The following RBMS3 variants were observed in gnomAD, a reference collection of about 807,000 sequenced individuals.
RBMS3 encodes RNA-binding motif, single-stranded-interacting protein 3.
In RBMS3, 27 loss-of-function variants were observed where a neutral mutation model predicts 66.8. The observed-to-expected ratio is 0.40, with a 90% CI of 0.30 to 0.56. RBMS3 has a LOEUF of 0.56. Ranked by LOEUF, RBMS3 falls within the 20% of genes least tolerant of loss-of-function variation. The probability of loss-of-function intolerance (pLI) is 0.40; values close to 1 mark genes in which losing one functional copy is unlikely to be tolerated. For missense variants in RBMS3, 513 were observed against 549.5 expected (o/e 0.93, Z 0.66); for synonymous variants, 188 against 183.0 (o/e 1.03, Z -0.22).
intron 11 of RBMS3, among the ~76,000 whole-genome samples, chr3:29,942,898 G>GA (rs1009157551): frequency 1.3e-5 from 2 of 150,892 alleles, no homozygotes; most frequent in Non-Finnish European, 3.0e-5. Flanking sequence ...TAAAAAATTG[G>GA]AAAAACTTTT....
chr3:29,384,438 G>T (rs10685341), intron 1 of RBMS3, among the ~76,000 whole-genome samples: 23,352 of 67,438 alleles, frequency 0.35, 2,094 homozygotes, highest in East Asian at 0.47. Context: ...ATAATAATAA[G>T]AAGAAGAAGA....
intron 4 of RBMS3, chr3:29,616,962 A>C (rs932584644): frequency 6.6e-6 from 1 of 152,234 alleles, no homozygotes; most frequent in Admixed American, 6.5e-5. Context: ...GTTTCTAAAA[A>C]TATGAGTCAT....
chr3:30,008,364 A>T lies in RBMS3; in HGVS notation c.*4502A>T, dbSNP rs1035182205. The stretch of plus-strand genomic sequence containing the variant: ...AAATTCTCAAGTGGGTTTCACTAAT[A>T]AATGTTTTTTTATATGATTTGAAAT... On this transcript the variant is annotated 3_prime_UTR_variant, in exon 15 of 15. Coordinates refer to ENST00000383767, the MANE Select transcript of RBMS3 (RefSeq NM_001003793.3). The T allele has an allele frequency of 2.0e-5, 3 of 152,020 alleles. No individual in the cohort carries two copies. Among genetic ancestry groups the T allele is most frequent in the South Asian group, 2.1e-4 (1 of 4,830 alleles). 9.4% of individuals were successfully genotyped at this position (152,020 alleles called of 1,614,324 possible). A position where few individuals can be genotyped will look rare whatever the true frequency, so the allele number is the denominator to read the frequency against.
chr3:29,337,249 G>A (rs2036007871), intron 1 of RBMS3, among the ~76,000 whole-genome samples: 1 of 151,952 alleles, frequency 6.6e-6, no homozygotes, highest in East Asian at 1.9e-4. Context: ...GATACAAAAT[G>A]TTAAAAAATT....
intron 4 of RBMS3, among the ~76,000 whole-genome samples, chr3:29,593,674 T>G (rs1357006912): frequency 6.8e-6 from 1 of 147,120 alleles, no homozygotes; most frequent in Admixed American, 6.6e-5. Flanking sequence ...ATCCCATTTT[T>G]CCCCCATGGG....
chr3:29,322,624 G>GAA (rs570964414), intron 1 of RBMS3, among the ~76,000 whole-genome samples: 73 of 146,638 alleles, frequency 5.0e-4, no homozygotes, highest in Middle Eastern at 3.5e-3. Flanking sequence ...TTTCACATAC[G>GAA]AAAAAAAAAA....
At chr3:29,626,573 A>T (rs960183507) in intron 4 of RBMS3, among the ~76,000 whole-genome samples, 7 of 152,220 alleles carry the variant, frequency 4.6e-5, no homozygotes, top group Non-Finnish European at 7.3e-5. Flanking sequence ...TTTGGTCAGC[A>T]TATGAATAGT....
At chr3:29,370,944 A>T (rs753391726) in intron 1 of RBMS3, among the ~76,000 whole-genome samples, 1 of 152,234 alleles carries the variant, frequency 6.6e-6, no homozygotes. Flanking sequence ...CAATGGCTGG[A>T]TCCAGCTGTC....
At chr3:29,369,702 C>CA (rs869091966) in intron 1 of RBMS3, among the ~76,000 whole-genome samples, 1 of 76,380 alleles carries the variant, frequency 1.3e-5, no homozygotes, top group African/African-American at 4.3e-5. Flanking sequence ...AGCTAAGGGA[C>CA]AAAAAGAGAC....
intron 7 of RBMS3, among the ~76,000 whole-genome samples, chr3:29,877,253 G>A (rs994367098): frequency 6.6e-6 from 1 of 152,156 alleles, no homozygotes; most frequent in Admixed American, 6.5e-5. Flanking sequence ...GTAAAGGAGA[G>A]AGATAAAACC....
intron 1 of RBMS3, among the ~76,000 whole-genome samples, chr3:29,344,226 A>G (rs1440196082): frequency 6.6e-6 from 1 of 152,130 alleles, no homozygotes; most frequent in Non-Finnish European, 1.5e-5. Context: ...GCCTTTTCAT[A>G]TCACTTTTAT....
intron 6 of RBMS3, among the ~76,000 whole-genome samples, chr3:29,768,818 G>T (rs1227994458): frequency 6.6e-6 from 1 of 151,794 alleles, no homozygotes; most frequent in African/African-American, 2.4e-5. Context: ...GCTCAATGAG[G>T]TTTCCTTTAT....
At chr3:29,304,253 G>A (rs907653874) in intron 1 of RBMS3, among the ~76,000 whole-genome samples, 8 of 151,990 alleles carry the variant, frequency 5.3e-5, no homozygotes, top group Non-Finnish European at 1.2e-4. Context: ...TTAGTTACAA[G>A]GACTAGGGAT....
At chr3:29,701,728 G>T in intron 4 of RBMS3, among the ~76,000 whole-genome samples, 1 of 152,182 alleles carries the variant, frequency 6.6e-6, no homozygotes, top group Non-Finnish European at 1.5e-5. Context: ...AGCAGCTGCG[G>T]AGGGTGCACC....
intron 4 of RBMS3, among the ~76,000 whole-genome samples, chr3:29,628,242 G>C (rs1024153641): frequency 6.6e-6 from 1 of 152,114 alleles, no homozygotes; most frequent in East Asian, 1.9e-4. Flanking sequence ...ATGAGTTCAT[G>C]ATTTTGTGTA....
At chr3:29,817,834 G>T (rs912288714) in intron 6 of RBMS3, among the ~76,000 whole-genome samples, 6 of 151,856 alleles carry the variant, frequency 4.0e-5, no homozygotes, top group African/African-American at 1.5e-4. Context: ...AGCAGAAGGA[G>T]CCATTGTAGT....
chr3:29,323,695 C>T (rs1575543417), intron 1 of RBMS3, among the ~76,000 whole-genome samples: 1 of 76,634 alleles, frequency 1.3e-5, no homozygotes, highest in African/African-American at 4.9e-5. Context: ...CACACATACA[C>T]ACACACACAC....
chr3:29,445,369 A>T lies in RBMS3; in HGVS notation c.248+10454A>T, dbSNP rs140972790. Among the ~76,000 whole-genome samples, 265 of 151,884 alleles carry T rather than the reference A, an allele frequency of 1.7e-3. 1 individual carries two copies. The highest frequency in any genetic ancestry group is 5.6e-3 in the African/African-American group (231 of 41,446). Reference sequence around the variant, plus strand: ...ATAACTTGAATCAAAAGAAACAAATAAGGATCAATACTTTGCTTACTCACT... The same window carrying T: ...ATAACTTGAATCAAAAGAAACAAATTAGGATCAATACTTTGCTTACTCACT... On this transcript the variant is annotated intron_variant, in intron 2 of 14. Transcript: ENST00000383767.
intron 1 of RBMS3, among the ~76,000 whole-genome samples, chr3:29,335,523 C>T (rs117812123): frequency 1.3e-5 from 2 of 152,198 alleles, no homozygotes; most frequent in Non-Finnish European, 2.9e-5. Flanking sequence ...CAAATACATA[C>T]ACAGCAAATG....
Sources: allele counts gnomAD v4.1 joint callset (sites outside exome capture counted in the v4.1 genomes callset), GRCh38; gene constraint gnomAD v4.1.1; transcripts MANE v1.5; gene names NCBI Gene and HGNC (gene_info 2026-07-23, HGNC 2026-07-21).